Variants in PCDH15 observed in about 807,000 individuals in gnomAD.
PCDH15 encodes the protein protocadherin related 15, also known as protocadherin-15.
Under a neutral mutation model 178.5 loss-of-function variants are expected in PCDH15, and 129 were observed. The observed-to-expected ratio is 0.72, with a 90% CI of 0.63 to 0.84. PCDH15 has a LOEUF of 0.84. Among genes scored for constraint, PCDH15 ranks in the 40% least tolerant of loss-of-function variants. The pLI is 0.00. For synonymous variants in PCDH15, 800 were observed against 732.0 expected (o/e 1.09, Z -1.50); for missense variants, 2,230 against 2,099.9 (o/e 1.06, Z -1.21).
intron 15 of PCDH15, among the ~76,000 whole-genome samples, chr10:54,131,226 T>A (rs1246543257): frequency 1.3e-5 from 2 of 152,208 alleles, no homozygotes; most frequent in Non-Finnish European, 2.9e-5. Context: ...AGTAAAATTA[T>A]GTCTTACTTC....
chr10:54,678,734 A>G (rs1317516706), intron 1 of PCDH15, among the ~76,000 whole-genome samples: 1 of 152,214 alleles, frequency 6.6e-6, no homozygotes, highest in Admixed American at 6.5e-5. Flanking sequence ...TAGGAGGCAT[A>G]CATAATATTA....
chr10:54,848,290 G>A (rs1321104309), intron 3 of PCDH15, among the ~76,000 whole-genome samples: 1 of 149,510 alleles, frequency 6.7e-6, no homozygotes, highest in African/African-American at 2.5e-5. Flanking sequence ...GGCTGAGGCA[G>A]GAGAATCCTT....
chr10:54,233,159 G>T (rs2054258731), intron 9 of PCDH15, among the ~76,000 whole-genome samples: 1 of 151,962 alleles, frequency 6.6e-6, no homozygotes, highest in South Asian at 2.1e-4. Flanking sequence ...GCCCAGGCTG[G>T]TCTCAAACTC....
At chr10:55,004,262 T>G (rs1051858002) in intron 2 of PCDH15, among the ~76,000 whole-genome samples, 1 of 152,148 alleles carries the variant, frequency 6.6e-6, no homozygotes, top group African/African-American at 2.4e-5. Flanking sequence ...CAAAGACTAC[T>G]CAGCATAAAG....
chr10:55,236,257 C>T (rs1841384057), intron 1 of PCDH15, among the ~76,000 whole-genome samples: 1 of 151,984 alleles, frequency 6.6e-6, no homozygotes, highest in South Asian at 2.1e-4. Flanking sequence ...TAAGCACCTT[C>T]TTGCTCTAAT....
At position 54,109,287 on chromosome 10, in the gene PCDH15, G is replaced by A. The variant is rs182010805; in HGVS notation, c.1918-19224C>T. Among the ~76,000 whole-genome samples the A allele has an allele frequency of 2.9e-3, 439 of 152,208 alleles. 5 individuals are homozygous for A. Among genetic ancestry groups the A allele is most frequent in the African/African-American group, 9.7e-3 (404 of 41,522 alleles). ...AATATGGCAGAGCTATCTGCACTCCGTGTTTATTGCAGCACTATTCACAAT... is the reference window on the plus strand; with the variant it reads ...AATATGGCAGAGCTATCTGCACTCCATGTTTATTGCAGCACTATTCACAAT... On this transcript the variant is annotated intron_variant, in intron 15 of 37. Transcript: ENST00000644397.
intron 2 of PCDH15, among the ~76,000 whole-genome samples, chr10:54,542,276 C>T (rs1337930997): frequency 6.6e-6 from 1 of 152,118 alleles, no homozygotes; most frequent in Non-Finnish European, 1.5e-5. Flanking sequence ...ATGTGTGAAG[C>T]AGGAAAGTTG....
chr10:54,350,453 A>C (rs904262292), intron 5 of PCDH15, among the ~76,000 whole-genome samples: 1 of 152,226 alleles, frequency 6.6e-6, no homozygotes, highest in Non-Finnish European at 1.5e-5. Context: ...AAAATGGATC[A>C]GTCATACATT....
chr10:54,086,280 C>T (rs72797007), intron 16 of PCDH15, among the ~76,000 whole-genome samples: 30,482 of 151,942 alleles, frequency 0.2, 3,269 homozygotes, highest in Non-Finnish European at 0.25. Context: ...TGCCAGGCTC[C>T]TTTTTTACAA....
intron 2 of PCDH15, among the ~76,000 whole-genome samples, chr10:55,329,240 C>T (rs1460274637): frequency 1.3e-5 from 2 of 151,116 alleles, no homozygotes; most frequent in South Asian, 2.1e-4. Flanking sequence ...TAATATAATG[C>T]TTTATTTGCC....
chr10:55,293,159 G>T (rs1341989553), intron 1 of PCDH15, among the ~76,000 whole-genome samples: 2 of 152,164 alleles, frequency 1.3e-5, no homozygotes, highest in African/African-American at 4.8e-5. Context: ...CATGGGAGCT[G>T]CCAAGGCTTG....
chr10:55,113,979 C>T (rs1185304150), intron 2 of PCDH15, among the ~76,000 whole-genome samples: 2 of 152,138 alleles, frequency 1.3e-5, no homozygotes, highest in East Asian at 1.9e-4. Context: ...GAATCTCACT[C>T]TCTGTGTCGC....
At chr10:54,058,946 G>A (rs1018893788) in intron 18 of PCDH15, among the ~76,000 whole-genome samples, 8 of 151,888 alleles carry the variant, frequency 5.3e-5, no homozygotes, top group African/African-American at 7.3e-5. Context: ...CACCCGCCTC[G>A]GCCTCCCAAA....
At chr10:54,841,334 TAAAG>T (rs1564558790) in intron 3 of PCDH15, among the ~76,000 whole-genome samples, 1 of 151,192 alleles carries the variant, frequency 6.6e-6, no homozygotes, top group African/African-American at 2.4e-5. Flanking sequence ...AAAGAAGAAA[TAAAG>T]AGAGAAATAA....
At chr10:55,182,861 C>A (rs1447107647) in intron 1 of PCDH15, among the ~76,000 whole-genome samples, 1 of 151,800 alleles carries the variant, frequency 6.6e-6, no homozygotes, top group African/African-American at 2.4e-5. Context: ...ACAAAGCAGG[C>A]AAGAAAGTGA....
chr10:53,848,432 T>A (rs1410607202), intron 28 of PCDH15, among the ~76,000 whole-genome samples: 1 of 152,030 alleles, frequency 6.6e-6, no homozygotes, highest in African/African-American at 2.4e-5. Context: ...AAGCAAAAGA[T>A]CTTAAAAATA....
intron 2 of PCDH15, among the ~76,000 whole-genome samples, chr10:55,621,486 C>A (rs111760433): frequency 1.3e-5 from 2 of 152,094 alleles, no homozygotes; most frequent in Admixed American, 6.6e-5. Flanking sequence ...TGGTGACCTG[C>A]GGGAAAGGTA....
intron 32 of PCDH15, chr10:53,822,946 T>A (rs2076398202): frequency 6.2e-7 from 1 of 1,614,082 alleles, no homozygotes; most frequent in Non-Finnish European, 8.5e-7. Flanking sequence ...AGATCTATGA[T>A]CTCTGGTCTA....
At chr10:54,255,187 C>T (rs892611391) in intron 8 of PCDH15, among the ~76,000 whole-genome samples, 2 of 152,146 alleles carry the variant, frequency 1.3e-5, no homozygotes, top group African/African-American at 4.8e-5. Context: ...AACCTTTTAA[C>T]CCTTTCTGAT....
Sources: allele counts gnomAD v4.1 joint callset (sites outside exome capture counted in the v4.1 genomes callset), GRCh38; gene constraint gnomAD v4.1.1; transcripts MANE v1.5; gene names NCBI Gene and HGNC (gene_info 2026-07-23, HGNC 2026-07-21).